KCTD17: variants seen among roughly 807,000 people sequenced by gnomAD.
The protein encoded by KCTD17 is BTB/POZ domain-containing protein KCTD17.
Under a neutral mutation model 41.5 loss-of-function variants are expected in KCTD17, and 20 were observed. The observed-to-expected ratio is 0.48, with a 90% CI of 0.34 to 0.70. KCTD17 has a LOEUF of 0.70. KCTD17 is among the 30% of genes least tolerant of loss of function. The probability of loss-of-function intolerance (pLI) is 0.01; values close to 1 mark genes in which losing one functional copy is unlikely to be tolerated. For synonymous variants in KCTD17, 156 were observed against 173.8 expected (o/e 0.90, Z 0.80); for missense variants, 317 against 427.2 (o/e 0.74, Z 2.27).
intron 8 of KCTD17, 73 bp from the exon 9 acceptor site, chr22:37,062,452 T>G: frequency 1.6e-5 from 15 of 936,710 alleles, no homozygotes; most frequent in Non-Finnish European, 2.0e-5. Flanking sequence ...CCCCTTGCCC[T>G]GCATCACCCC....
chr22:37,060,770 C>G, intron 5 of KCTD17, 53 bp from the exon 6 acceptor site: 1 of 1,450,914 alleles, frequency 6.9e-7, no homozygotes, highest in Non-Finnish European at 9.1e-7. Context: ...GGCCCTGGCC[C>G]CTCTGTTAGT....
At chr22:37,059,514 G>C in intron 5 of KCTD17, 76 bp downstream of exon 5, 1 of 1,506,192 alleles carries the variant, frequency 6.6e-7, no homozygotes, top group South Asian at 1.2e-5. Flanking sequence ...TCCCGCCCCT[G>C]CGCCTGCACC....
At position 37,056,407 on chromosome 22, in the gene KCTD17, C is replaced by T. The variant is rs761372052; in HGVS notation, c.386C>T (p.Thr129Ile). The stretch of plus-strand genomic sequence containing the variant: ...ATGGAAGAGAAGGACTACACGGTCA[C>T]CCAGGTCGGGAGCAGGGGCAGCACA... ...DRMEEKDYTV[T>I]QVPPKHVYRV... The change falls in exon 3 of 9, where the codon ACC (threonine) becomes ATC (isoleucine). Residue 129 changes from threonine to isoleucine, a missense_variant. Coordinates refer to ENST00000403888, the MANE Select transcript of KCTD17 (RefSeq NM_001282684.2). 11 of 1,612,846 alleles carry T rather than the reference C, an allele frequency of 6.8e-6. No individual in the cohort carries two copies. The highest frequency in any genetic ancestry group is 8.5e-6 in the Non-Finnish European group (10 of 1,179,258).
rs1365204913 is a variant in KCTD17, at chr22:37,053,741, C to G, written c.298+533C>G. ...GGGTGGAGGCAGGAGAGGGGGGAGTCTGCTTCCCAGTGGGGCTTTGGTTAT... is the reference window on the plus strand; with the variant it reads ...GGGTGGAGGCAGGAGAGGGGGGAGTGTGCTTCCCAGTGGGGCTTTGGTTAT... On this transcript the variant is annotated intron_variant, in intron 2 of 8. Transcript: ENST00000403888. This position sits in a 1 kb window ranked among gnomAD's most constrained non-coding sequence, Gnocchi z 4.1. Among the ~76,000 whole-genome samples, 1 of 152,158 alleles carries G rather than the reference C, an allele frequency of 6.6e-6. No individual in the cohort carries two copies. The highest frequency in any genetic ancestry group is 1.5e-5 in the Non-Finnish European group (1 of 68,022).
intron 8 of KCTD17, chr22:37,062,221 G>A (rs1925877252): frequency 2.0e-6 from 2 of 985,110 alleles, no homozygotes; most frequent in African/African-American, 1.7e-5. Context: ...CCCCTTCAGA[G>A]TCTTGGCAGA....
chr22:37,056,782 G>T (rs1306744449), intron 3 of KCTD17, among the ~76,000 whole-genome samples: 2 of 152,206 alleles, frequency 1.3e-5, no homozygotes, highest in African/African-American at 4.8e-5. Flanking sequence ...AGAGGAAAAT[G>T]CAGGATTAGC....
Position 37,062,889 on chromosome 22 carries a change from A to C in KCTD17, c.*295A>C. On this transcript the variant is annotated 3_prime_UTR_variant, in exon 9 of 9. Coordinates refer to ENST00000403888, the MANE Select transcript of KCTD17 (RefSeq NM_001282684.2). ...ATGTGCTCCTTCCTGGCCCGGTCACATTGCCTCCTTGAGCCTTAGTCCAGG... is the reference window on the plus strand; with the variant it reads ...ATGTGCTCCTTCCTGGCCCGGTCACCTTGCCTCCTTGAGCCTTAGTCCAGG... The C allele has an allele frequency of 2.1e-6, 1 of 480,930 alleles. No homozygotes were observed. Among genetic ancestry groups the C allele is most frequent in the Non-Finnish European group, 3.6e-6 (1 of 276,392 alleles). 29.8% of individuals were successfully genotyped at this position (480,930 alleles called of 1,614,324 possible).
chr22:37,054,295 C>T (rs1924837055), intron 2 of KCTD17, among the ~76,000 whole-genome samples: 2 of 152,186 alleles, frequency 1.3e-5, no homozygotes, highest in South Asian at 4.1e-4. Flanking sequence ...ACCCCAGCTG[C>T]GTCGCAGCCA....
chr22:37,060,523 TC>T (rs1925653297), intron 5 of KCTD17, among the ~76,000 whole-genome samples: 1 of 152,108 alleles, frequency 6.6e-6, no homozygotes, highest in Non-Finnish European at 1.5e-5. Context: ...GATACCCCAG[TC>T]CCACACCCTC....
chr22:37,057,565 C>A, intron 4 of KCTD17, 72 bp downstream of exon 4: 1 of 1,201,988 alleles, frequency 8.3e-7, no homozygotes, highest in Non-Finnish European at 1.2e-6. Flanking sequence ...GCAGGCCCCT[C>A]CCTTCCTGCA....
rs926612236 is a variant in KCTD17, at chr22:37,059,566, A to G, written c.612+128A>G. On this transcript the variant is annotated intron_variant, in intron 5 of 8. Transcript: ENST00000403888. ...CCCGCCACCGCCCATGCACAACCCC[A>G]TGCTCACAGCCACCGCCATCCATCC... The G allele has an allele frequency of 3.1e-5, 34 of 1,097,318 alleles. No homozygotes were observed. The African/African-American group carries it at 3.3e-4, about 11-fold the overall frequency. 68.0% of individuals were successfully genotyped at this position (1,097,318 alleles called of 1,614,324 possible).
intron 5 of KCTD17, among the ~76,000 whole-genome samples, chr22:37,059,936 C>T (rs1277469038): frequency 6.6e-6 from 1 of 152,206 alleles, no homozygotes; most frequent in African/African-American, 2.4e-5. Flanking sequence ...ATGAGGAAGC[C>T]ACCGCTGTAA....
intron 2 of KCTD17, among the ~76,000 whole-genome samples, chr22:37,054,796 T>C (rs1345131186): frequency 6.6e-6 from 1 of 152,076 alleles, no homozygotes; most frequent in Non-Finnish European, 1.5e-5. Context: ...TGGGGATAAT[T>C]CTCGTAATCA....
chr22:37,061,496 CCT>C lies in KCTD17; in HGVS notation c.785-41_785-40del. The C allele has an allele frequency of 6.3e-7, 1 of 1,577,002 alleles. No individual in the cohort carries two copies. The highest frequency in any genetic ancestry group is 8.6e-7 in the Non-Finnish European group (1 of 1,167,014). On this transcript the variant is annotated intron_variant, in intron 7 of 8. Coordinates refer to ENST00000403888, the MANE Select transcript of KCTD17 (RefSeq NM_001282684.2). The surrounding 1 kb of genome is among the most constrained non-coding windows in gnomAD (Gnocchi z 6.6). ...GGCCCTGGCTGCAGGCCCTGCCCCCCCTCCTCTCCTCCCGGCCTCCTCCTCAC... is the reference window on the plus strand; with the variant it reads ...GGCCCTGGCTGCAGGCCCTGCCCCCCCCTCTCCTCCCGGCCTCCTCCTCAC...
At chr22:37,056,634 C>T (rs1348310395) in intron 3 of KCTD17, among the ~76,000 whole-genome samples, 3 of 152,178 alleles carry the variant, frequency 2.0e-5, no homozygotes, top group Non-Finnish European at 4.4e-5. Flanking sequence ...GTCTCAGCCC[C>T]ATTTGCTGTG....
intron 2 of KCTD17, among the ~76,000 whole-genome samples, chr22:37,054,548 A>C (rs1212013473): frequency 1.3e-5 from 2 of 152,078 alleles, no homozygotes; most frequent in Non-Finnish European, 2.9e-5. Context: ...GCTAGGGCTC[A>C]TCCAGGGGAT....
At chr22:37,057,589 G>A in intron 4 of KCTD17, 96 bp downstream of exon 4, 1 of 942,356 alleles carries the variant, frequency 1.1e-6, no homozygotes, top group Non-Finnish European at 1.6e-6. Context: ...CCAGCCTTGG[G>A]TTCCCCACCA....
At position 37,060,763 on chromosome 22, in the gene KCTD17, C is replaced by T. The variant is rs181998171; in HGVS notation, c.613-60C>T. ...GGGTCTTTGGGGATAGCCAGCAGGC[C>T]CTGGCCCCTCTGTTAGTGTCTCCAC... On this transcript the variant is annotated intron_variant, in intron 5 of 8. Transcript: ENST00000403888. 4.1e-6 allele frequency: 6 copies of T among 1,451,202 alleles called. No individual in the cohort carries two copies. The African/African-American group carries it at 4.3e-5, about 10-fold the overall frequency. 89.9% of individuals were successfully genotyped at this position (1,451,202 alleles called of 1,614,324 possible).
chr22:37,054,054 C>T (rs1263769276), intron 2 of KCTD17, among the ~76,000 whole-genome samples: 1 of 152,132 alleles, frequency 6.6e-6, no homozygotes, highest in Admixed American at 6.5e-5. Flanking sequence ...AATCCTGCAC[C>T]TGTGCGTGCC....
Sources: gnomAD v4.1 joint callset for allele counts (sites outside exome capture counted in the v4.1 genomes callset) on GRCh38, gnomAD v4.1.1 for gene constraint, Gnocchi (gnomAD v3.1) non-coding constraint, MANE v1.5 for transcripts, NCBI Gene and HGNC (gene_info 2026-07-23, HGNC 2026-07-21) for gene names.